Variants in GALNTL6 observed in about 807,000 individuals in gnomAD.
The protein encoded by GALNTL6 is polypeptide N-acetylgalactosaminyltransferase like 6, also known as polypeptide N-acetylgalactosaminyltransferase-like 6.
A neutral mutation model predicts 73.7 loss-of-function variants in GALNTL6; 46 were observed. The observed-to-expected ratio is 0.62, with a 90% CI of 0.49 to 0.80. The LOEUF is 0.80. GALNTL6 is among the 30% of genes least tolerant of loss of function. The pLI, the probability that GALNTL6 is intolerant of heterozygous loss-of-function variation, is 0.00. For missense variants in GALNTL6, 604 were observed against 755.0 expected, an observed-to-expected ratio of 0.80 and a Z score of 2.34; for synonymous variants, 259 against 263.7, an observed-to-expected ratio of 0.98 and a Z score of 0.17.
rs763465909 is a variant in GALNTL6, at chr4:171,828,955, C to G, written c.138+14237C>G. On this transcript the variant is annotated intron_variant, in intron 2 of 12. Coordinates refer to ENST00000506823, the MANE Select transcript of GALNTL6 (RefSeq NM_001034845.3). The stretch of plus-strand genomic sequence containing the variant: ...CACCCCCTCATGACTTTCTTAATAA[C>G]ATTTTATTTTCTCTAGCTTACTTTA... 1.2e-3 allele frequency among the ~76,000 whole-genome samples: 190 copies of G among 152,206 alleles called. 1 individual carries two copies. The highest frequency in any genetic ancestry group is 2.2e-3 in the Non-Finnish European group (149 of 67,990).
chr4:172,528,633 T>A (rs1033315536), intron 5 of GALNTL6, among the ~76,000 whole-genome samples: 1 of 151,406 alleles, frequency 6.6e-6, no homozygotes, highest in Non-Finnish European at 1.5e-5. Context: ...CATGAGCCAC[T>A]GCACCTGGCC....
chr4:172,546,786 A>ATGTATATATACG (rs1735771070), intron 5 of GALNTL6, among the ~76,000 whole-genome samples: 1 of 9,850 alleles, frequency 1.0e-4, no homozygotes, highest in Non-Finnish European at 2.6e-4. Flanking sequence ...ACTCCGCTTT[A>ATGTATATATACG]TATATATATA....
chr4:172,518,451 T>G (rs889604879), intron 5 of GALNTL6, among the ~76,000 whole-genome samples: 11 of 151,966 alleles, frequency 7.2e-5, no homozygotes, highest in Admixed American at 3.3e-4. Flanking sequence ...CTGTTACATA[T>G]GATGCAAACT....
chr4:172,175,049 G>A (rs1362261898), intron 2 of GALNTL6, among the ~76,000 whole-genome samples: 2 of 151,744 alleles, frequency 1.3e-5, no homozygotes, highest in Non-Finnish European at 2.9e-5. Context: ...GCATTGATGT[G>A]CAAAGTAATA....
chr4:172,976,152 T>C (rs1750802991), intron 10 of GALNTL6, among the ~76,000 whole-genome samples: 1 of 152,158 alleles, frequency 6.6e-6, no homozygotes, highest in South Asian at 2.1e-4. Context: ...CCATCACTGG[T>C]ATTTAAAAAG....
intron 5 of GALNTL6, among the ~76,000 whole-genome samples, chr4:172,739,792 T>TCATA (rs1442345320): frequency 6.6e-6 from 1 of 151,740 alleles, no homozygotes; most frequent in Non-Finnish European, 1.5e-5. Flanking sequence ...CAACATAGAG[T>TCATA]CATAAGTTAT....
chr4:172,075,771 C>CAGAGAG (rs150769265), intron 2 of GALNTL6, among the ~76,000 whole-genome samples: 5 of 149,396 alleles, frequency 3.3e-5, no homozygotes, highest in African/African-American at 4.9e-5. Context: ...GGGACAAAGA[C>CAGAGAG]AGAGAGAGAG....
chr4:171,818,801 T>C (rs895398681), intron 2 of GALNTL6, among the ~76,000 whole-genome samples: 11 of 151,980 alleles, frequency 7.2e-5, no homozygotes, highest in African/African-American at 2.7e-4. Context: ...TGACTTTACC[T>C]CCATTAAAAA....
intron 7 of GALNTL6, among the ~76,000 whole-genome samples, chr4:172,821,339 A>G (rs1477553893): frequency 6.6e-6 from 1 of 152,198 alleles, no homozygotes; most frequent in Non-Finnish European, 1.5e-5. Flanking sequence ...ATAGGACTCA[A>G]GTTAATGCCT....
intron 7 of GALNTL6, among the ~76,000 whole-genome samples, chr4:172,833,296 G>T (rs1233556954): frequency 6.6e-6 from 1 of 151,782 alleles, no homozygotes. Context: ...TTGATAGTTT[G>T]TAGAAAAACT....
intron 5 of GALNTL6, among the ~76,000 whole-genome samples, chr4:172,564,239 A>C (rs1429533749): frequency 6.6e-6 from 1 of 152,240 alleles, no homozygotes; most frequent in African/African-American, 2.4e-5. Flanking sequence ...TTCATAAAAA[A>C]GTGTCATATT....
At chr4:172,572,818 C>T (rs929263053) in intron 5 of GALNTL6, among the ~76,000 whole-genome samples, 1 of 152,098 alleles carries the variant, frequency 6.6e-6, no homozygotes, top group African/African-American at 2.4e-5. Flanking sequence ...TATCAACAAC[C>T]TTGATAAAGT....
intron 2 of GALNTL6, among the ~76,000 whole-genome samples, chr4:172,150,443 G>T (rs1219022968): frequency 1.3e-5 from 2 of 152,168 alleles, no homozygotes; most frequent in Non-Finnish European, 2.9e-5. Flanking sequence ...GAAGAGAAAT[G>T]AGTTACATGA....
chr4:172,837,844 G>A (rs1407154042), intron 7 of GALNTL6, among the ~76,000 whole-genome samples: 1 of 152,128 alleles, frequency 6.6e-6, no homozygotes, highest in Non-Finnish European at 1.5e-5. Context: ...CCTTCATGGG[G>A]TTTACTAACT....
intron 2 of GALNTL6, among the ~76,000 whole-genome samples, chr4:172,096,258 C>G (rs1215296501): frequency 6.6e-6 from 1 of 152,078 alleles, no homozygotes; most frequent in East Asian, 1.9e-4. Flanking sequence ...TGCATGCCCC[C>G]ATGCCTGGCT....
chr4:172,080,543 A>C (rs1477797292), intron 2 of GALNTL6, among the ~76,000 whole-genome samples: 1 of 152,170 alleles, frequency 6.6e-6, no homozygotes, highest in Admixed American at 6.5e-5. Flanking sequence ...TTATATGACT[A>C]TTTTAGAAAT....
chr4:172,179,983 A>G (rs1735183803), intron 2 of GALNTL6, among the ~76,000 whole-genome samples: 3 of 152,192 alleles, frequency 2.0e-5, no homozygotes, highest in Non-Finnish European at 4.4e-5. Context: ...GCTAGGTCAA[A>G]TGGTATTTCT....
intron 2 of GALNTL6, among the ~76,000 whole-genome samples, chr4:171,856,417 G>A (rs1191815950): frequency 6.6e-6 from 1 of 151,926 alleles, no homozygotes. Context: ...ACCCTGCTGA[G>A]ACATTTTAAT....
intron 5 of GALNTL6, among the ~76,000 whole-genome samples, chr4:172,446,949 G>A (rs1732045436): frequency 6.6e-6 from 1 of 152,068 alleles, no homozygotes; most frequent in Non-Finnish European, 1.5e-5. Flanking sequence ...CAAAAATATT[G>A]CTTTGTGTGA....
Sources: allele counts gnomAD v4.1 joint callset (sites outside exome capture counted in the v4.1 genomes callset), GRCh38; gene constraint gnomAD v4.1.1; transcripts MANE v1.5; gene names NCBI Gene and HGNC (gene_info 2026-07-23, HGNC 2026-07-21).